The following DLGAP4 variants were observed in gnomAD, a reference collection of about 807,000 sequenced individuals.
The protein encoded by DLGAP4 is disks large-associated protein 4.
DLGAP4 carries 18 observed loss-of-function variants against 86.9 expected under a neutral mutation model. The ratio of observed to expected loss-of-function variants is 0.21; its 90% CI spans 0.14 to 0.31. The LOEUF is 0.31. DLGAP4 is among the 10% of genes least tolerant of loss of function. DLGAP4 has a pLI of 1.00. For missense variants in DLGAP4, 1,085 were observed against 1,362.6 expected (o/e 0.80, Z 3.21); for synonymous variants, 548 against 574.3 (o/e 0.95, Z 0.65).
At chr20:36,363,697 G>C (rs1808368479) in intron 1 of DLGAP4, among the ~76,000 whole-genome samples, 1 of 152,204 alleles carries the variant, frequency 6.6e-6, no homozygotes, top group South Asian at 2.1e-4. Context: ...GGTAGGTATT[G>C]AAACTTGAGC....
intron 1 of DLGAP4, among the ~76,000 whole-genome samples, chr20:36,320,537 C>A (rs1342911878): frequency 6.6e-6 from 1 of 152,094 alleles, no homozygotes; most frequent in Non-Finnish European, 1.5e-5. Context: ...CTGCGTCATG[C>A]CCCCCACTCC....
chr20:36,524,850 C>T lies in DLGAP4; in HGVS notation c.2604+509C>T, dbSNP rs151031191. On this transcript the variant is annotated intron_variant, in intron 11 of 12. Coordinates refer to ENST00000339266, the MANE Select transcript of DLGAP4 (RefSeq NM_001365621.2). ...CCGGGAGACAGAGGTTGTGGTGAGC[C>T]GAGATCGTGCCACTGCACTCCAGCA... Among the ~76,000 whole-genome samples, 857 of 151,624 alleles carry T rather than the reference C, an allele frequency of 5.7e-3. 6 individuals carry two copies. Among genetic ancestry groups the T allele is most frequent in the African/African-American group, 0.019 (802 of 41,340 alleles).
At chr20:36,324,694 A>G (rs1456571596) in intron 1 of DLGAP4, among the ~76,000 whole-genome samples, 3 of 152,134 alleles carry the variant, frequency 2.0e-5, no homozygotes, top group African/African-American at 7.2e-5. Context: ...CCATTGATCT[A>G]TCCTTATGAC....
chr20:36,335,246 C>T (rs1555891964), intron 1 of DLGAP4, among the ~76,000 whole-genome samples: 1 of 152,166 alleles, frequency 6.6e-6, no homozygotes, highest in African/African-American at 2.4e-5. Context: ...GCCTGTGATA[C>T]AACCAGAAGA....
intron 11 of DLGAP4, among the ~76,000 whole-genome samples, chr20:36,525,090 T>C (rs1408373753): frequency 7.7e-6 from 1 of 129,772 alleles, no homozygotes; most frequent in South Asian, 2.5e-4. Flanking sequence ...TAGTGGCGGG[T>C]GCCTGTAGTC....
Position 36,309,445 on chromosome 20 carries a change from A to AT in DLGAP4, c.-304+2934dup, listed in dbSNP as rs1307184985. 1.5e-3 allele frequency among the ~76,000 whole-genome samples: 233 copies of AT among 152,266 alleles called. 2 individuals are homozygous for AT. Among genetic ancestry groups the AT allele is most frequent in the Non-Finnish European group, 2.1e-4 (14 of 68,016 alleles). On this transcript the variant is annotated intron_variant, in intron 1 of 12. Transcript: ENST00000339266. ...TGAGTGGAGGGCTGGGCTCTGGGGAATGGGGGGAGACTTGGCCAGGCCATT... is the reference window on the plus strand; with the variant it reads ...TGAGTGGAGGGCTGGGCTCTGGGGAATTGGGGGGAGACTTGGCCAGGCCATT...
chr20:36,371,139 G>T (rs2030916568), intron 2 of DLGAP4, among the ~76,000 whole-genome samples: 1 of 152,192 alleles, frequency 6.6e-6, no homozygotes, highest in South Asian at 2.1e-4. Context: ...GGGGTCCCTG[G>T]CAGGGCAGGC....
chr20:36,424,871 G>T (rs747079198), intron 2 of DLGAP4, among the ~76,000 whole-genome samples: 2 of 152,086 alleles, frequency 1.3e-5, no homozygotes, highest in Non-Finnish European at 2.9e-5. Flanking sequence ...AAGTGGCTGG[G>T]ATTATAGGCT....
intron 7 of DLGAP4, among the ~76,000 whole-genome samples, chr20:36,482,232 G>T (rs778601498): frequency 6.6e-6 from 1 of 152,166 alleles, no homozygotes; most frequent in African/African-American, 2.4e-5. Context: ...TCTGGGATTC[G>T]CTTGGTCATT....
intron 2 of DLGAP4, among the ~76,000 whole-genome samples, chr20:36,377,343 G>C (rs1208909390): frequency 6.6e-6 from 1 of 152,194 alleles, no homozygotes; most frequent in African/African-American, 2.4e-5. Flanking sequence ...CCAGCCCAGA[G>C]AGTGTGTGAT....
At chr20:36,394,448 T>C (rs530356507) in intron 2 of DLGAP4, among the ~76,000 whole-genome samples, 2 of 152,212 alleles carry the variant, frequency 1.3e-5, no homozygotes, top group Non-Finnish European at 2.9e-5. Flanking sequence ...CCCCCTTCCT[T>C]ACTCCTAAGA....
intron 10 of DLGAP4, among the ~76,000 whole-genome samples, chr20:36,516,328 G>A (rs1041120630): frequency 6.6e-6 from 1 of 152,138 alleles, no homozygotes; most frequent in Non-Finnish European, 1.5e-5. Context: ...AGTATAACTT[G>A]TTGTAGGATT....
At position 36,413,160 on chromosome 20, in the gene DLGAP4, A is replaced by AG. The variant is rs1265801892; in HGVS notation, c.-72-18485dup. Among the ~76,000 whole-genome samples the AG allele has an allele frequency of 2.8e-4, 42 of 151,110 alleles. No individual in the cohort carries two copies. The East Asian group carries it at 8.1e-3, about 29-fold the overall frequency. ...ACACCTGGCTATTTTTTGTATTTTT[A>AG]GTAGAGACAGTTTCACCATGTTGGC... On this transcript the variant is annotated intron_variant, in intron 2 of 12. Coordinates refer to ENST00000339266, the MANE Select transcript of DLGAP4 (RefSeq NM_001365621.2).
rs938773288 is a variant in DLGAP4 at position 36,432,477 on chromosome 20, C to A, written c.760C>A (p.Leu254Ile). Residue 254 changes from leucine to isoleucine, a missense_variant, in exon 3 of 13, where the codon CTC becomes ATC. Leu to Ile is a conservative substitution (Grantham distance 5). Coordinates refer to ENST00000339266, the MANE Select transcript of DLGAP4 (RefSeq NM_001365621.2). The surrounding 1 kb of genome is among the most constrained non-coding windows in gnomAD (Gnocchi z 6.5). ...CTACAACACCATCAGTGGGCACATG[C>A]TCAAAACCACCAAGAACAACACTAC... ...HAYNTISGHMLKTTKNNTTEL... is the reference protein window; with the variant it reads ...HAYNTISGHMIKTTKNNTTEL... The A allele has an allele frequency of 1.2e-6, 2 of 1,613,508 alleles. No homozygotes were observed. The highest frequency in any genetic ancestry group is 1.7e-6 in the Non-Finnish European group (2 of 1,180,024).
At chr20:36,335,678 C>T (rs1044746970) in intron 1 of DLGAP4, among the ~76,000 whole-genome samples, 3 of 152,194 alleles carry the variant, frequency 2.0e-5, no homozygotes, top group Admixed American at 6.5e-5. Context: ...TGTTCCCGAA[C>T]GTGCAGGAGG....
intron 2 of DLGAP4, among the ~76,000 whole-genome samples, chr20:36,426,080 A>G (rs2032964894): frequency 6.6e-6 from 1 of 152,266 alleles, no homozygotes; most frequent in African/African-American, 2.4e-5. Flanking sequence ...GTTCTGACCC[A>G]TGCTACAACA....
chr20:36,380,837 T>G (rs1184818096), intron 2 of DLGAP4, among the ~76,000 whole-genome samples: 1 of 152,210 alleles, frequency 6.6e-6, no homozygotes, highest in Non-Finnish European at 1.5e-5. Context: ...GAGTAAAGCC[T>G]GCATGCTTCG....
rs1300156362 is a variant in DLGAP4 at position 36,461,752 on chromosome 20, C to T, written c.1648+14815C>T. Reference sequence around the variant, plus strand: ...GTCTGTCCGTCCGTCCGTCCGTCCGCCCGCCCGCCCGCCCGCCCGCGCTTC... The same window carrying T: ...GTCTGTCCGTCCGTCCGTCCGTCCGTCCGCCCGCCCGCCCGCCCGCGCTTC... On this transcript the variant is annotated intron_variant, in intron 7 of 12. Coordinates refer to ENST00000339266, the MANE Select transcript of DLGAP4 (RefSeq NM_001365621.2). 1,047 of 168,440 alleles carry T rather than the reference C, an allele frequency of 6.2e-3. 8 individuals carry two copies. Among genetic ancestry groups the T allele is most frequent in the African/African-American group, 0.04 (875 of 21,698 alleles). 10.4% of individuals were successfully genotyped at this position (168,440 alleles called of 1,614,324 possible). A position where few individuals can be genotyped will look rare whatever the true frequency, so the allele number is the denominator to read the frequency against.
chr20:36,430,396 C>T (rs1034447759), intron 2 of DLGAP4, among the ~76,000 whole-genome samples: 1 of 152,134 alleles, frequency 6.6e-6, no homozygotes, highest in African/African-American at 2.4e-5. Flanking sequence ...GGTAGACATT[C>T]GGTGAAGGGC....
Sources: gnomAD v4.1 joint callset for allele counts (sites outside exome capture counted in the v4.1 genomes callset) on GRCh38, gnomAD v4.1.1 for gene constraint, Gnocchi (gnomAD v3.1) non-coding constraint, MANE v1.5 for transcripts, NCBI Gene and HGNC (gene_info 2026-07-23, HGNC 2026-07-21) for gene names.